The following GRIA1 variants were observed in gnomAD, a reference collection of about 807,000 sequenced individuals.
GRIA1 encodes the protein glutamate ionotropic receptor AMPA type subunit 1, also known as glutamate receptor 1.
In GRIA1, 31 loss-of-function variants were observed where a neutral mutation model predicts 99.2. The observed-to-expected ratio is 0.31, with a 90% CI of 0.23 to 0.42. The LOEUF (loss-of-function observed/expected upper bound fraction) is 0.42. GRIA1 is among the 10% of genes least tolerant of loss of function. GRIA1 has a pLI of 1.00. For missense variants in GRIA1, 782 were observed against 1,157.5 expected (o/e 0.68, Z 4.71); for synonymous variants, 438 against 432.4 (o/e 1.01, Z -0.16).
intron 2 of GRIA1, among the ~76,000 whole-genome samples, chr5:153,567,002 C>A (rs1761700681): frequency 6.6e-6 from 1 of 152,326 alleles, no homozygotes; most frequent in Non-Finnish European, 1.5e-5. Context: ...CAGGCATGAG[C>A]CACCGTGCCT....
At chr5:153,795,706 G>C (rs536105416) in intron 14 of GRIA1, 25 of 596,794 alleles carry the variant, frequency 4.2e-5, no homozygotes, top group Non-Finnish European at 7.3e-5. Context: ...CCCCAGCAGG[G>C]CCTTGATGTC....
chr5:153,738,207 C>T, intron 11 of GRIA1, among the ~76,000 whole-genome samples: 1 of 152,220 alleles, frequency 6.6e-6, no homozygotes, highest in East Asian at 1.9e-4. Context: ...AGTCTGGTAG[C>T]TGGTTCTCCA....
chr5:153,742,108 G>A (rs551810303), intron 11 of GRIA1, among the ~76,000 whole-genome samples: 7 of 151,898 alleles, frequency 4.6e-5, no homozygotes, highest in South Asian at 2.1e-4. Flanking sequence ...GGAAAGATAC[G>A]AAAAAAAATA....
chr5:153,602,592 G>A (rs1046932307), intron 2 of GRIA1, among the ~76,000 whole-genome samples: 1 of 152,138 alleles, frequency 6.6e-6, no homozygotes, highest in Admixed American at 6.5e-5. Context: ...ATTGCTCTTA[G>A]ACAGCAATGT....
chr5:153,700,098 C>T (rs570795582), intron 10 of GRIA1, among the ~76,000 whole-genome samples: 14 of 152,164 alleles, frequency 9.2e-5, no homozygotes, highest in Admixed American at 5.9e-4. Context: ...TTAAACAGAC[C>T]GAGAGGCCGG....
rs59233877 is a variant in GRIA1, at chr5:153,607,042, GATATATATATAT to G, written c.221-39870_221-39859del. On this transcript the variant is annotated intron_variant, in intron 2 of 15. Coordinates refer to ENST00000285900, the MANE Select transcript of GRIA1 (RefSeq NM_000827.4). Reference sequence around the variant, plus strand: ...AGAATGATATAAACATATCACAAAAGATATATATATATATATATATATATATAATCACAGTTT... The same window carrying G: ...AGAATGATATAAACATATCACAAAAGATATATATATATATAATCACAGTTT... Among the ~76,000 whole-genome samples the G allele has an allele frequency of 2.7e-3, 341 of 127,772 alleles. 9 individuals are homozygous for G. The highest frequency in any genetic ancestry group is 9.6e-3 in the African/African-American group (334 of 34,666). 83.8% of individuals were successfully genotyped at this position (127,772 alleles called of 152,430 possible).
intron 12 of GRIA1, among the ~76,000 whole-genome samples, chr5:153,765,503 A>G (rs1763461065): frequency 6.6e-6 from 1 of 152,186 alleles, no homozygotes; most frequent in African/African-American, 2.4e-5. Context: ...AGACGTGTAA[A>G]CATTTATAGA....
chr5:153,642,229 A>G (rs961422425), intron 2 of GRIA1, among the ~76,000 whole-genome samples: 1 of 152,206 alleles, frequency 6.6e-6, no homozygotes, highest in Non-Finnish European at 1.5e-5. Context: ...CATCCATGAC[A>G]TATCACAGAC....
At chr5:153,631,509 A>G (rs1752961612) in intron 2 of GRIA1, among the ~76,000 whole-genome samples, 1 of 152,232 alleles carries the variant, frequency 6.6e-6, no homozygotes, top group South Asian at 2.1e-4. Flanking sequence ...CTTTTTTCTG[A>G]AACTAAATAC....
intron 13 of GRIA1, among the ~76,000 whole-genome samples, chr5:153,772,928 A>G (rs1477126019): frequency 6.6e-6 from 1 of 152,196 alleles, no homozygotes; most frequent in Non-Finnish European, 1.5e-5. Context: ...CACATAACAT[A>G]ATTTGTCCAA....
chr5:153,672,921 G>A (rs1408653520), intron 5 of GRIA1, among the ~76,000 whole-genome samples: 1 of 152,220 alleles, frequency 6.6e-6, no homozygotes, highest in Non-Finnish European at 1.5e-5. Flanking sequence ...AATGGCATAT[G>A]AGTGGAAGAT....
At chr5:153,519,021 T>C (rs1756885120) in intron 2 of GRIA1, among the ~76,000 whole-genome samples, 1 of 152,106 alleles carries the variant, frequency 6.6e-6, no homozygotes, top group Non-Finnish European at 1.5e-5. Context: ...TCCCAGCACT[T>C]TGGGAGGCCG....
intron 2 of GRIA1, among the ~76,000 whole-genome samples, chr5:153,534,020 G>A (rs952114085): frequency 1.3e-5 from 2 of 152,186 alleles, no homozygotes; most frequent in African/African-American, 2.4e-5. Flanking sequence ...CCACTTCCAG[G>A]CCAATGCATT....
intron 2 of GRIA1, among the ~76,000 whole-genome samples, chr5:153,555,425 G>A (rs1358565769): frequency 6.6e-6 from 1 of 152,052 alleles, no homozygotes; most frequent in Non-Finnish European, 1.5e-5. Context: ...AAAACAATAG[G>A]TATACATCAA....
chr5:153,522,298 G>T (rs1200766086), intron 2 of GRIA1, among the ~76,000 whole-genome samples: 1 of 152,170 alleles, frequency 6.6e-6, no homozygotes, highest in Non-Finnish European at 1.5e-5. Context: ...CTGTATCATG[G>T]CATGTAAAGT....
At chr5:153,677,257 GA>G in intron 7 of GRIA1, 96 bp downstream of exon 7, 1 of 1,042,904 alleles carries the variant, frequency 9.6e-7, no homozygotes, top group Non-Finnish European at 1.3e-6. Flanking sequence ...AGAAAAGGAA[GA>G]AAATGCCTGA....
chr5:153,630,393 A>G (rs904275686), intron 2 of GRIA1, among the ~76,000 whole-genome samples: 7 of 152,114 alleles, frequency 4.6e-5, no homozygotes, highest in African/African-American at 1.2e-4. Context: ...AAAAAGCCCA[A>G]TGTTTATTAC....
intron 13 of GRIA1, among the ~76,000 whole-genome samples, chr5:153,788,188 A>G (rs898214793): frequency 6.6e-6 from 1 of 152,092 alleles, no homozygotes; most frequent in Non-Finnish European, 1.5e-5. Context: ...CTCAGTCTAC[A>G]CAATCTCAAG....
intron 11 of GRIA1, among the ~76,000 whole-genome samples, chr5:153,758,717 C>A (rs2149600012): frequency 6.6e-6 from 1 of 151,984 alleles, no homozygotes; most frequent in Non-Finnish European, 1.5e-5. Context: ...CCAAATGGAC[C>A]TAACATACCT....
Sources: allele counts gnomAD v4.1 joint callset (sites outside exome capture counted in the v4.1 genomes callset), GRCh38; gene constraint gnomAD v4.1.1; transcripts MANE v1.5; gene names NCBI Gene and HGNC (gene_info 2026-07-23, HGNC 2026-07-21).